Variants in PDLIM5 observed in about 807,000 individuals in gnomAD.
PDLIM5 encodes the protein PDZ and LIM domain 5, also known as PDZ and LIM domain protein 5.
In PDLIM5, 34 loss-of-function variants were observed where a neutral mutation model predicts 64.2. The ratio of observed to expected loss-of-function variants is 0.53; its 90% CI spans 0.40 to 0.71. The LOEUF (loss-of-function observed/expected upper bound fraction) is 0.71, where lower values mean the gene tolerates loss of function less well. PDLIM5 is among the 30% of genes least tolerant of loss of function. The pLI is 0.00. For missense variants in PDLIM5, 683 were observed against 733.6 expected (o/e 0.93, Z 0.80); for synonymous variants, 253 against 269.1 (o/e 0.94, Z 0.59).
At chr4:94,486,169 A>G (rs1434699497) in intron 2 of PDLIM5, among the ~76,000 whole-genome samples, 3 of 152,116 alleles carry the variant, frequency 2.0e-5, no homozygotes, top group Non-Finnish European at 4.4e-5. Flanking sequence ...TAGTATTAGC[A>G]TTTCTTTCCT....
chr4:94,639,578 TC>T (rs1457051227), intron 8 of PDLIM5, among the ~76,000 whole-genome samples: 1 of 152,176 alleles, frequency 6.6e-6, no homozygotes, highest in Non-Finnish European at 1.5e-5. Flanking sequence ...TGCCTTCTAT[TC>T]CTGGGTGACT....
rs11946038 is a variant in PDLIM5 at position 94,530,457 on chromosome 4, A to G, written c.248+6582A>G. On this transcript the variant is annotated intron_variant, in intron 3 of 12. Coordinates refer to ENST00000317968, the MANE Select transcript of PDLIM5 (RefSeq NM_006457.5). ...TTTATTCATCAGAAAATACAGTACT[A>G]TATATTTTTATTCTTATTTTATGTT... 3.8e-3 allele frequency among the ~76,000 whole-genome samples: 578 copies of G among 150,754 alleles called. 4 individuals are homozygous for G. Among genetic ancestry groups the G allele is most frequent in the African/African-American group, 0.013 (546 of 40,804 alleles).
chr4:94,610,976 A>G, intron 7 of PDLIM5: 1 of 908,146 alleles, frequency 1.1e-6, no homozygotes, highest in South Asian at 1.6e-5. Context: ...TCTCTCTCGT[A>G]AAGGAAATGT....
chr4:94,564,213 T>G (rs772590729), intron 3 of PDLIM5, among the ~76,000 whole-genome samples: 4 of 152,048 alleles, frequency 2.6e-5, no homozygotes, highest in Non-Finnish European at 5.9e-5. Context: ...CCACCCCCCT[T>G]GGCCTCCCAA....
intron 2 of PDLIM5, among the ~76,000 whole-genome samples, chr4:94,465,704 G>A (rs1724295931): frequency 6.6e-6 from 1 of 152,120 alleles, no homozygotes; most frequent in African/African-American, 2.4e-5. Flanking sequence ...CAGCCAGGAA[G>A]TACAATTTTA....
At chr4:94,473,219 G>C (rs1725032133) in intron 2 of PDLIM5, among the ~76,000 whole-genome samples, 1 of 152,168 alleles carries the variant, frequency 6.6e-6, no homozygotes, top group Admixed American at 6.5e-5. Flanking sequence ...GATGGCTGGA[G>C]TAGGCAGAAT....
At chr4:94,518,568 C>G (rs1356517252) in intron 2 of PDLIM5, among the ~76,000 whole-genome samples, 2 of 152,032 alleles carry the variant, frequency 1.3e-5, no homozygotes, top group African/African-American at 4.8e-5. Flanking sequence ...TATTTGAGAA[C>G]AATAAATTAA....
intron 7 of PDLIM5, chr4:94,610,224 C>G: frequency 6.6e-7 from 1 of 1,518,832 alleles, no homozygotes; most frequent in Non-Finnish European, 8.8e-7. Context: ...TTTCTACCTT[C>G]TCTTCTCCTG....
intron 2 of PDLIM5, among the ~76,000 whole-genome samples, chr4:94,462,155 A>G (rs944305444): frequency 6.6e-6 from 1 of 152,146 alleles, no homozygotes; most frequent in Non-Finnish European, 1.5e-5. Context: ...GAGCCACTGC[A>G]CCCAGCTTAA....
rs139595702 is a variant in PDLIM5 at position 94,648,510 on chromosome 4, G to A, written c.1284-5950G>A. 9.0e-3 allele frequency among the ~76,000 whole-genome samples: 1,367 copies of A among 152,250 alleles called. 20 individuals carry two copies. The highest frequency in any genetic ancestry group is 0.03 in the African/African-American group (1,240 of 41,538). On this transcript the variant is annotated intron_variant, in intron 9 of 12. Coordinates refer to ENST00000317968, the MANE Select transcript of PDLIM5 (RefSeq NM_006457.5). ...AATTTTTGTATTTTTAGTAGAGACA[G>A]TCTGGCCTCGAACTCCTGGCCTCAA...
Position 94,514,049 on chromosome 4 carries a change from T to A in PDLIM5, c.97-9675T>A, listed in dbSNP as rs181145813. Among the ~76,000 whole-genome samples, 23 of 152,290 alleles carry A rather than the reference T, an allele frequency of 1.5e-4. 1 individual carries two copies. In the East Asian group the frequency reaches 3.5e-3, roughly 23 times the overall value. ...TGATTAATTTACATTTGTTTAACCATCCTTGCATCCCAGGGATAAATCCCA... is the reference window on the plus strand; with the variant it reads ...TGATTAATTTACATTTGTTTAACCAACCTTGCATCCCAGGGATAAATCCCA... On this transcript the variant is annotated intron_variant, in intron 2 of 12. Transcript: ENST00000317968.
chr4:94,506,057 AT>A (rs1363920394), intron 2 of PDLIM5, among the ~76,000 whole-genome samples: 1 of 152,152 alleles, frequency 6.6e-6, no homozygotes, highest in Non-Finnish European at 1.5e-5. Flanking sequence ...CTATCATCTC[AT>A]TAGCATACAA....
intron 7 of PDLIM5, among the ~76,000 whole-genome samples, chr4:94,606,965 G>A (rs1427469354): frequency 6.6e-6 from 1 of 152,194 alleles, no homozygotes; most frequent in Non-Finnish European, 1.5e-5. Context: ...TTAAAAATAT[G>A]AAAACTATTC....
chr4:94,570,564 T>C (rs1460542778), intron 3 of PDLIM5, among the ~76,000 whole-genome samples: 1 of 152,208 alleles, frequency 6.6e-6, no homozygotes, highest in Non-Finnish European at 1.5e-5. Flanking sequence ...ACCTAATACA[T>C]TGCCATAGTG....
intron 2 of PDLIM5, among the ~76,000 whole-genome samples, chr4:94,482,138 A>C (rs1368707019): frequency 2.7e-5 from 4 of 150,364 alleles, no homozygotes; most frequent in Non-Finnish European, 5.9e-5. Context: ...TAAATTACAG[A>C]GTCTAGCATA....
chr4:94,580,285 A>C (rs2110297246), intron 5 of PDLIM5, among the ~76,000 whole-genome samples: 1 of 152,308 alleles, frequency 6.6e-6, no homozygotes. Context: ...TTTTTTTGGC[A>C]TCACACCATA....
At chr4:94,520,921 C>G (rs1312448429) in intron 2 of PDLIM5, among the ~76,000 whole-genome samples, 1 of 152,166 alleles carries the variant, frequency 6.6e-6, no homozygotes. Context: ...CATTTGTTTC[C>G]ATTTGTGCTA....
intron 3 of PDLIM5, among the ~76,000 whole-genome samples, chr4:94,563,514 TAGC>T (rs1734020236): frequency 6.6e-6 from 1 of 152,218 alleles, no homozygotes; most frequent in Non-Finnish European, 1.5e-5. Context: ...ACACAGAAGA[TAGC>T]AGACTGACTT....
intron 7 of PDLIM5, among the ~76,000 whole-genome samples, chr4:94,615,949 C>A (rs1738752989): frequency 6.6e-6 from 1 of 152,154 alleles, no homozygotes; most frequent in Non-Finnish European, 1.5e-5. Flanking sequence ...GCTACTATTA[C>A]CAGTTCCTTC....
Sources: gnomAD v4.1 joint callset for allele counts (sites outside exome capture counted in the v4.1 genomes callset) on GRCh38, gnomAD v4.1.1 for gene constraint, MANE v1.5 for transcripts, NCBI Gene and HGNC (gene_info 2026-07-23, HGNC 2026-07-21) for gene names.